The following CNKSR3 variants were observed in gnomAD, a reference collection of about 807,000 sequenced individuals.
CNKSR3 encodes the protein connector enhancer of kinase suppressor of ras 3.
A neutral mutation model predicts 67.7 loss-of-function variants in CNKSR3; 36 were observed. The observed-to-expected ratio is 0.53, with a 90% CI of 0.41 to 0.70. The LOEUF is 0.70. CNKSR3 is among the 30% of genes least tolerant of loss of function. CNKSR3 has a pLI of 0.00. For missense variants in CNKSR3, 630 were observed against 695.2 expected (o/e 0.91, Z 1.05); for synonymous variants, 281 against 271.4 (o/e 1.04, Z -0.35).
At chr6:154,418,965 A>C (rs80286467) in intron 9 of CNKSR3, among the ~76,000 whole-genome samples, 10,796 of 151,134 alleles carry the variant, frequency 0.071, 692 homozygotes, top group East Asian at 0.22. Flanking sequence ...CAAAAAAAAA[A>C]AAAACAAAAC....
At chr6:154,490,750 C>T (rs1331395931) in intron 1 of CNKSR3, among the ~76,000 whole-genome samples, 1 of 152,212 alleles carries the variant, frequency 6.6e-6, no homozygotes, top group East Asian at 1.9e-4. Context: ...GTCAAAATGC[C>T]ATGCTGTCTC....
intron 1 of CNKSR3, among the ~76,000 whole-genome samples, chr6:154,509,733 C>A (rs1168020588): frequency 6.6e-6 from 1 of 152,096 alleles, no homozygotes; most frequent in Non-Finnish European, 1.5e-5. Context: ...CGCACCGGGG[C>A]CAGGCAGGGA....
In CNKSR3 at chr6:154,388,117, G is replaced by C. The variant is rs1464282105; in HGVS notation, c.*18237C>G. On this transcript the variant is annotated 3_prime_UTR_variant, in exon 13 of 13. Transcript: ENST00000607772. Reference sequence around the variant, plus strand: ...TGCAATATTGTACCACAAATCTCTAGAGCTTATTCACCTGACTTCACTGAA... The same window carrying C: ...TGCAATATTGTACCACAAATCTCTACAGCTTATTCACCTGACTTCACTGAA... 1 of 151,792 alleles carries C rather than the reference G, an allele frequency of 6.6e-6. No individual in the cohort carries two copies. Among genetic ancestry groups the C allele is most frequent in the Non-Finnish European group, 1.5e-5 (1 of 68,000 alleles). 9.4% of individuals were successfully genotyped at this position (151,792 alleles called of 1,614,324 possible). A position where few individuals can be genotyped will look rare whatever the true frequency, so the allele number is the denominator to read the frequency against.
chr6:154,457,465 AT>A (rs1209394949), intron 1 of CNKSR3, among the ~76,000 whole-genome samples: 3 of 152,212 alleles, frequency 2.0e-5, no homozygotes, highest in African/African-American at 7.2e-5. Flanking sequence ...CACACCTGTA[AT>A]TCCAGCACTT....
chr6:154,414,031 G>A (rs1409780904), intron 10 of CNKSR3, among the ~76,000 whole-genome samples: 2 of 152,080 alleles, frequency 1.3e-5, no homozygotes, highest in Non-Finnish European at 2.9e-5. Context: ...TTACAGGTGT[G>A]AGCGACCACA....
At chr6:154,482,511 A>T (rs1449156994) in intron 1 of CNKSR3, among the ~76,000 whole-genome samples, 1 of 152,232 alleles carries the variant, frequency 6.6e-6, no homozygotes, top group East Asian at 1.9e-4. Context: ...TACTTCTAAA[A>T]ATTTGAGGTT....
chr6:154,468,571 C>A (rs1786259641), intron 1 of CNKSR3, among the ~76,000 whole-genome samples: 1 of 152,056 alleles, frequency 6.6e-6, no homozygotes, highest in Non-Finnish European at 1.5e-5. Flanking sequence ...CTGTCTGTCA[C>A]CTCCTCTAAA....
At chr6:154,470,188 CTTTTTTTTTTTTTT>C (rs869154714) in intron 1 of CNKSR3, among the ~76,000 whole-genome samples, 3 of 68,750 alleles carry the variant, frequency 4.4e-5, no homozygotes, top group South Asian at 7.0e-4. Context: ...ACTTTCTTTC[CTTTTTTTTTTTTTT>C]TTTTTTTTTT....
At chr6:154,487,846 A>G (rs1038093422) in intron 1 of CNKSR3, among the ~76,000 whole-genome samples, 2 of 152,172 alleles carry the variant, frequency 1.3e-5, no homozygotes, top group African/African-American at 4.8e-5. Context: ...ATATTTACCA[A>G]AGACCTTTAT....
At chr6:154,449,950 C>T in intron 2 of CNKSR3, 145 bp downstream of exon 2, 2 of 793,216 alleles carry the variant, frequency 2.5e-6, no homozygotes, top group Non-Finnish European at 1.9e-6. Context: ...TATTTTTCCC[C>T]TTCCTATAGT....
At chr6:154,434,768 C>T (rs1318499939) in intron 4 of CNKSR3, among the ~76,000 whole-genome samples, 2 of 152,092 alleles carry the variant, frequency 1.3e-5, no homozygotes, top group African/African-American at 2.4e-5. Flanking sequence ...ACTACAGGAG[C>T]GGCTTCTGTA....
chr6:154,388,321 T>A lies in CNKSR3; in HGVS notation c.*18033A>T, dbSNP rs1784571049. ...GCGTAATGTCCTTAAGATTTATCCA[T>A]GTTGTTGAATAATTGCAGAATTTCC... On this transcript the variant is annotated 3_prime_UTR_variant, in exon 13 of 13. Coordinates refer to ENST00000607772, the MANE Select transcript of CNKSR3 (RefSeq NM_173515.4). 1 of 152,264 alleles carries A rather than the reference T, an allele frequency of 6.6e-6. No individual in the cohort carries two copies. Among genetic ancestry groups the A allele is most frequent in the South Asian group, 2.1e-4 (1 of 4,838 alleles). The allele number at this position is 152,264 out of a possible 1,614,324, so 9.4% of individuals were successfully genotyped here. A position where few individuals can be genotyped will look rare whatever the true frequency, so the allele number is the denominator to read the frequency against.
chr6:154,492,058 A>G (rs1188999454), intron 1 of CNKSR3, among the ~76,000 whole-genome samples: 1 of 152,108 alleles, frequency 6.6e-6, no homozygotes, highest in Non-Finnish European at 1.5e-5. Flanking sequence ...CCACCCTGTC[A>G]AGTTCACCAA....
chr6:154,459,593 G>A (rs1418502294), intron 1 of CNKSR3, among the ~76,000 whole-genome samples: 3 of 152,220 alleles, frequency 2.0e-5, no homozygotes, highest in Non-Finnish European at 4.4e-5. Context: ...AGGTGGAATG[G>A]AAGGACAGTC....
At chr6:154,491,608 T>C (rs1003408952) in intron 1 of CNKSR3, among the ~76,000 whole-genome samples, 1 of 152,168 alleles carries the variant, frequency 6.6e-6, no homozygotes, top group Non-Finnish European at 1.5e-5. Context: ...TGGGTAATTA[T>C]AGAATAACAC....
At chr6:154,471,216 C>A (rs1786323726) in intron 1 of CNKSR3, among the ~76,000 whole-genome samples, 1 of 152,144 alleles carries the variant, frequency 6.6e-6, no homozygotes, top group Non-Finnish European at 1.5e-5. Context: ...TTTTTAATTT[C>A]ATTTTTATAA....
intron 10 of CNKSR3, 132 bp downstream of exon 10, chr6:154,414,167 C>A: frequency 1.1e-6 from 1 of 892,498 alleles, no homozygotes; most frequent in Admixed American, 3.3e-5. Context: ...ATACTTTTAA[C>A]GGCAGTTCAA....
intron 1 of CNKSR3, among the ~76,000 whole-genome samples, chr6:154,475,747 T>A (rs555568878): frequency 9.2e-5 from 14 of 152,340 alleles, no homozygotes; most frequent in Admixed American, 2.6e-4. Flanking sequence ...TGTGGCTAGC[T>A]CTGCTCCACT....
chr6:154,492,582 C>T (rs1582901451), intron 1 of CNKSR3, among the ~76,000 whole-genome samples: 1 of 151,804 alleles, frequency 6.6e-6, no homozygotes, highest in African/African-American at 2.4e-5. Flanking sequence ...CCCATCTCTC[C>T]TAAAAATACA....
Sources: gnomAD v4.1 joint callset for allele counts (sites outside exome capture counted in the v4.1 genomes callset) on GRCh38, gnomAD v4.1.1 for gene constraint, MANE v1.5 for transcripts, NCBI Gene and HGNC (gene_info 2026-07-23, HGNC 2026-07-21) for gene names.